SENP7: variants seen among roughly 807,000 people sequenced by gnomAD.
The protein encoded by SENP7 is sentrin-specific protease 7.
In SENP7, 64 loss-of-function variants were observed where a neutral mutation model predicts 141.2. The ratio of observed to expected loss-of-function variants is 0.45; its 90% confidence interval spans 0.37 to 0.56. The LOEUF is 0.56. Ranked by LOEUF, SENP7 falls within the 20% of genes least tolerant of loss-of-function variation. The pLI, the probability that SENP7 is intolerant of heterozygous loss-of-function variation, is 0.00. For missense variants in SENP7, 1,025 were observed against 1,212.2 expected, an observed-to-expected ratio of 0.85 and a Z score of 2.29; for synonymous variants, 382 against 426.4, an observed-to-expected ratio of 0.90 and a Z score of 1.28.
At chr3:101,393,933 T>C (rs1317467486) in intron 6 of SENP7, among the ~76,000 whole-genome samples, 7 of 152,210 alleles carry the variant, frequency 4.6e-5, no homozygotes, top group Non-Finnish European at 1.0e-4. Context: ...GGGGTATCCA[T>C]CACCTCAAGT....
chr3:101,473,499 T>G (rs902193189), intron 3 of SENP7, among the ~76,000 whole-genome samples: 9 of 152,262 alleles, frequency 5.9e-5, no homozygotes, highest in Non-Finnish European at 1.0e-4. Flanking sequence ...TGTTGAGCTT[T>G]CTTTCATATG....
At chr3:101,458,800 A>G (rs12496159) in intron 4 of SENP7, among the ~76,000 whole-genome samples, 155 bp downstream of exon 4, 1 of 151,990 alleles carries the variant, frequency 6.6e-6, no homozygotes, top group Non-Finnish European at 1.5e-5. Flanking sequence ...AAAATCACAG[A>G]AAGTTAGAGA....
intron 3 of SENP7, among the ~76,000 whole-genome samples, chr3:101,465,795 C>A (rs1483039951): frequency 6.6e-6 from 1 of 151,700 alleles, no homozygotes; most frequent in Non-Finnish European, 1.5e-5. Flanking sequence ...CAATAAGAGA[C>A]CCATAAGAAA....
At chr3:101,479,921 A>AAAAAAAAAACACACAC (rs1559888934) in intron 3 of SENP7, among the ~76,000 whole-genome samples, 1 of 72,538 alleles carries the variant, frequency 1.4e-5, no homozygotes. Flanking sequence ...AAAAAAAAAA[A>AAAAAAAAAACACACAC]ACACACACAC....
intron 5 of SENP7, among the ~76,000 whole-genome samples, chr3:101,416,257 T>C (rs552327305): frequency 1.6e-4 from 24 of 152,290 alleles, no homozygotes; most frequent in African/African-American, 5.8e-4. Flanking sequence ...CTTTACTTCA[T>C]ATTATATTTG....
chr3:101,496,889 C>T (rs1236438090), intron 2 of SENP7, among the ~76,000 whole-genome samples: 1 of 152,166 alleles, frequency 6.6e-6, no homozygotes, highest in Non-Finnish European at 1.5e-5. Flanking sequence ...AGGCCAAACA[C>T]TTTAAATTCA....
intron 7 of SENP7, among the ~76,000 whole-genome samples, chr3:101,370,540 T>A (rs541383453): frequency 6.6e-6 from 1 of 152,334 alleles, no homozygotes; most frequent in Non-Finnish European, 1.5e-5. Flanking sequence ...TTACTTATAA[T>A]ACCCAATACA....
chr3:101,342,077 A>T (rs1428698642), intron 14 of SENP7, among the ~76,000 whole-genome samples: 2 of 152,204 alleles, frequency 1.3e-5, no homozygotes, highest in Non-Finnish European at 2.9e-5. Context: ...AAATAGGAGG[A>T]AATAAAATTT....
intron 3 of SENP7, among the ~76,000 whole-genome samples, chr3:101,478,564 CA>C (rs375124532): frequency 4.3e-4 from 66 of 152,096 alleles, no homozygotes; most frequent in Admixed American, 1.1e-3. Flanking sequence ...AAAAGGCTCC[CA>C]AAAAAGAAAA....
chr3:101,446,040 G>C (rs1429885497), intron 4 of SENP7, among the ~76,000 whole-genome samples: 1 of 152,158 alleles, frequency 6.6e-6, no homozygotes, highest in Admixed American at 6.5e-5. Flanking sequence ...CTTATGGGAG[G>C]TGATTGGTTC....
intron 5 of SENP7, among the ~76,000 whole-genome samples, chr3:101,404,266 C>A (rs550150182): frequency 6.6e-6 from 1 of 152,182 alleles, no homozygotes; most frequent in East Asian, 1.9e-4. Context: ...AGTAATACTA[C>A]ACACCTACAA....
intron 3 of SENP7, among the ~76,000 whole-genome samples, chr3:101,473,275 G>A (rs2064081307): frequency 6.6e-6 from 1 of 152,174 alleles, no homozygotes; most frequent in Admixed American, 6.5e-5. Context: ...GGAGTGAATG[G>A]TACTTCTGTC....
intron 2 of SENP7, among the ~76,000 whole-genome samples, chr3:101,498,197 G>A (rs745602312): frequency 6.6e-6 from 1 of 152,158 alleles, no homozygotes; most frequent in Non-Finnish European, 1.5e-5. Flanking sequence ...TACACTGATA[G>A]ATGCTAAAAT....
chr3:101,347,385 T>C (rs879936825), intron 13 of SENP7: 16 of 152,138 alleles, frequency 1.1e-4, no homozygotes, highest in African/African-American at 3.4e-4. Flanking sequence ...AATACAACTA[T>C]AAGGAGAAAT....
At position 101,398,964 on chromosome 3, in the gene SENP7, C is replaced by T. The variant is rs1042438338; in HGVS notation, c.574G>A (p.Asp192Asn). 3 of 1,613,796 alleles carry T rather than the reference C, an allele frequency of 1.9e-6. No individual in the cohort carries two copies. Among genetic ancestry groups the T allele is most frequent in the Non-Finnish European group, 2.5e-6 (3 of 1,179,752 alleles). ...TPPVTEGSLS[D>N]TDNLQSEQLS... ...TGCTCTGATTGCAAGTTGTCTGTAT[C>T]ACTCAAACTTCCCTCAGTTACAGGT... Residue 192 changes from aspartate to asparagine, a missense_variant, in exon 6 of 24, where the codon GAT becomes AAT. Transcript: ENST00000394095.
chr3:101,471,246 A>G (rs1443309919), intron 3 of SENP7, among the ~76,000 whole-genome samples: 1 of 152,220 alleles, frequency 6.6e-6, no homozygotes, highest in African/African-American at 2.4e-5. Flanking sequence ...ACCTGACTTC[A>G]AACTATACTA....
intron 6 of SENP7, among the ~76,000 whole-genome samples, chr3:101,373,973 A>T (rs2060249159): frequency 6.6e-6 from 1 of 152,240 alleles, no homozygotes; most frequent in Non-Finnish European, 1.5e-5. Flanking sequence ...GTTAACAAGT[A>T]AATGTAATAA....
chr3:101,512,712 A>G lies in SENP7; in HGVS notation c.40+379T>C, dbSNP rs191208193. On this transcript the variant is annotated intron_variant, in intron 1 of 23. Coordinates refer to ENST00000394095, the MANE Select transcript of SENP7 (RefSeq NM_020654.5). ...AAGTCGAGAATCAAAGGAAGAGAGG[A>G]AAGTGGGGTCAGGCGCTGAGAAGCC... 3.6e-3 allele frequency among the ~76,000 whole-genome samples: 544 copies of G among 152,298 alleles called. 7 individuals carry two copies. The highest frequency in any genetic ancestry group is 0.012 in the African/African-American group (495 of 41,574).
intron 6 of SENP7, among the ~76,000 whole-genome samples, chr3:101,393,751 A>G (rs1171886521): frequency 1.3e-5 from 2 of 152,210 alleles, no homozygotes; most frequent in Non-Finnish European, 2.9e-5. Flanking sequence ...TACATCTGGC[A>G]GCTTCTAGTG....
Sources: allele counts gnomAD v4.1 joint callset (sites outside exome capture counted in the v4.1 genomes callset), GRCh38; gene constraint gnomAD v4.1.1; transcripts MANE v1.5; gene names NCBI Gene and HGNC (gene_info 2026-07-23, HGNC 2026-07-21).